Variants in CCDC7 observed in about 807,000 individuals in gnomAD.
CCDC7 encodes the protein coiled-coil domain containing 7, also known as coiled-coil domain-containing protein 7.
CCDC7 carries 183 observed loss-of-function variants against 196.9 expected under a neutral mutation model. That is an observed-to-expected ratio of 0.93 (90% CI 0.82 to 1.05). The LOEUF is 1.05. Among genes scored for constraint, CCDC7 ranks in the 50% least tolerant of loss-of-function variants. The probability of loss-of-function intolerance (pLI) is 0.00; values close to 1 mark genes in which losing one functional copy is unlikely to be tolerated. For synonymous variants in CCDC7, 525 were observed against 484.6 expected (o/e 1.08, Z -1.10); for missense variants, 1,540 against 1,482.2 (o/e 1.04, Z -0.64).
At chr10:32,505,356 C>T (rs984787370) in intron 9 of CCDC7, among the ~76,000 whole-genome samples, 3 of 152,008 alleles carry the variant, frequency 2.0e-5, no homozygotes, top group Non-Finnish European at 4.4e-5. Context: ...TCCCTGGGTA[C>T]TTGAGATTAG....
intron 18 of CCDC7, among the ~76,000 whole-genome samples, chr10:32,621,040 T>C (rs2063353772): frequency 6.6e-6 from 1 of 152,208 alleles, no homozygotes; most frequent in African/African-American, 2.4e-5. Flanking sequence ...TAAGAAATAA[T>C]GTGTTTTAGT....
chr10:32,879,314 C>G (rs908008976), downstream of CCDC7, among the ~76,000 whole-genome samples: 2 of 152,134 alleles, frequency 1.3e-5, no homozygotes, highest in Non-Finnish European at 2.9e-5. Flanking sequence ...AAATTCCATA[C>G]AGTATCTGCT....
chr10:32,717,393 T>A (rs2081762109), intron 25 of CCDC7, among the ~76,000 whole-genome samples: 2 of 152,104 alleles, frequency 1.3e-5, no homozygotes, highest in South Asian at 4.1e-4. Context: ...TGTGTAGAGA[T>A]AAATTTATAG....
chr10:32,716,181 C>G lies in CCDC7; in HGVS notation c.2569+4451C>G, dbSNP rs571842748. On this transcript the variant is annotated intron_variant, in intron 25 of 41. Transcript: ENST00000639629. ...AGGTCAGGTTACCCACAAAGGGAAGCCCATCAGACTAACAGCAGATCTCTC... is the reference window on the plus strand; with the variant it reads ...AGGTCAGGTTACCCACAAAGGGAAGGCCATCAGACTAACAGCAGATCTCTC... Among the ~76,000 whole-genome samples, 219 of 152,298 alleles carry G rather than the reference C, an allele frequency of 1.4e-3. 2 individuals carry two copies. Among genetic ancestry groups the G allele is most frequent in the African/African-American group, 5.0e-3 (208 of 41,592 alleles).
At chr10:32,827,991 C>T (rs768599552) in intron 32 of CCDC7, among the ~76,000 whole-genome samples, 23 of 152,250 alleles carry the variant, frequency 1.5e-4, no homozygotes, top group South Asian at 4.1e-4. Context: ...CATCTATTCT[C>T]TCTAAAGGCT....
chr10:32,451,582 T>G (rs938540635), upstream of CCDC7: 71 of 1,518,198 alleles, frequency 4.7e-5, no homozygotes, highest in Middle Eastern at 4.2e-4. Flanking sequence ...TCTCTTATTT[T>G]TTTTCACAGG....
chr10:32,617,666 C>T (rs963367832), intron 18 of CCDC7, among the ~76,000 whole-genome samples: 6 of 151,758 alleles, frequency 4.0e-5, no homozygotes, highest in African/African-American at 7.3e-5. Context: ...GATATGATTT[C>T]GATTTTTGAA....
chr10:32,706,694 C>T (rs71370332), intron 24 of CCDC7, among the ~76,000 whole-genome samples: 5 of 152,200 alleles, frequency 3.3e-5, no homozygotes, highest in Admixed American at 3.3e-4. Context: ...GTAAACACCT[C>T]TACACAACTA....
intron 21 of CCDC7, among the ~76,000 whole-genome samples, chr10:32,676,933 C>A (rs561675269): frequency 6.6e-6 from 1 of 152,020 alleles, no homozygotes; most frequent in African/African-American, 2.4e-5. Context: ...ATATTTATTG[C>A]GGCACTATTC....
intron 18 of CCDC7, among the ~76,000 whole-genome samples, chr10:32,587,243 G>T (rs569334748): frequency 3.5e-4 from 53 of 152,238 alleles, no homozygotes; most frequent in African/African-American, 1.1e-3. Context: ...TGGGGTTGCT[G>T]TAACAGAATA....
intron 41 of CCDC7, among the ~76,000 whole-genome samples, chr10:32,872,814 A>G (rs576342580): frequency 3.1e-4 from 47 of 152,156 alleles, no homozygotes; most frequent in African/African-American, 1.1e-3. Context: ...GTTTGGCTGG[A>G]TATGAAATTC....
At chr10:32,728,309 C>T (rs1042569697) in intron 26 of CCDC7, among the ~76,000 whole-genome samples, 2 of 152,080 alleles carry the variant, frequency 1.3e-5, no homozygotes, top group African/African-American at 4.8e-5. Context: ...AGTCTCAATA[C>T]TTTGCTGGGA....
downstream of CCDC7, among the ~76,000 whole-genome samples, chr10:32,881,870 T>C (rs1015383457): frequency 6.6e-6 from 1 of 152,116 alleles, no homozygotes; most frequent in Non-Finnish European, 1.5e-5. Flanking sequence ...CATCTTCTCA[T>C]AGTTAAGTCT....
intron 25 of CCDC7, among the ~76,000 whole-genome samples, chr10:32,720,004 C>T (rs1255230187): frequency 6.6e-6 from 1 of 152,184 alleles, no homozygotes; most frequent in African/African-American, 2.4e-5. Context: ...TTTGACCCAG[C>T]AATCCCATTA....
In CCDC7 at chr10:32,471,152, T is replaced by A; in HGVS notation, c.599T>A (p.Val200Glu). Reference sequence around the variant, plus strand: ...AATATTGCAGAAATAGTAAGGCTTGTACAAAGATTTGAAGAACTGAAGAAT... The same window carrying A: ...AATATTGCAGAAATAGTAAGGCTTGAACAAAGATTTGAAGAACTGAAGAAT... Residue 200 changes from valine (V) to glutamate (E), a missense_variant, in exon 6 of 42, where the codon GTA becomes GAA. Physicochemically the swap from Val to Glu is moderately radical, Grantham distance 121 (BLOSUM62 -2). Transcript: ENST00000639629. 3 of 1,613,006 alleles carry A rather than the reference T, an allele frequency of 1.9e-6. No individual in the cohort carries two copies. In the South Asian group the frequency reaches 3.3e-5, roughly 18 times the overall value.
chr10:32,503,883 C>A (rs1043678966), intron 9 of CCDC7, among the ~76,000 whole-genome samples: 2 of 150,442 alleles, frequency 1.3e-5, no homozygotes, highest in Non-Finnish European at 2.9e-5. Flanking sequence ...TAATTTTCTT[C>A]TAGGTTGTTC....
At chr10:32,806,335 T>C (rs759153081) in intron 30 of CCDC7, among the ~76,000 whole-genome samples, 3 of 152,072 alleles carry the variant, frequency 2.0e-5, no homozygotes, top group Non-Finnish European at 4.4e-5. Context: ...TATGAGTTAT[T>C]CTAATAAGGA....
intron 28 of CCDC7, among the ~76,000 whole-genome samples, chr10:32,749,860 A>G (rs1028866362): frequency 6.6e-6 from 1 of 152,296 alleles, no homozygotes; most frequent in Non-Finnish European, 1.5e-5. Flanking sequence ...CAAAACTAGG[A>G]TAACCACCAC....
In CCDC7 at chr10:32,853,919, T is replaced by A. The variant is rs151164614; in HGVS notation, c.4022-481T>A. Among the ~76,000 whole-genome samples the A allele has an allele frequency of 6.2e-4, 95 of 152,326 alleles. 3 individuals carry two copies. The East Asian group carries it at 0.018, about 29-fold the overall frequency. ...TTATTTCAGATTCATGGGGTATATA[T>A]GCAGGTTTGTTACATGGGTATACTG... On this transcript the variant is annotated intron_variant, in intron 40 of 41. Transcript: ENST00000639629.
Sources: gnomAD v4.1 joint callset for allele counts (sites outside exome capture counted in the v4.1 genomes callset) on GRCh38, gnomAD v4.1.1 for gene constraint, MANE v1.5 for transcripts, NCBI Gene and HGNC (gene_info 2026-07-23, HGNC 2026-07-21) for gene names.